Variants in DYM observed in about 807,000 individuals in gnomAD.
The protein encoded by DYM is dymeclin.
DYM carries 78 observed loss-of-function variants against 93.1 expected under a neutral mutation model. That is an observed-to-expected ratio of 0.84 (90% CI 0.70 to 1.01). The LOEUF is 1.01. Ranked by LOEUF, DYM falls within the 50% of genes least tolerant of loss-of-function variation. The pLI, the probability that DYM is intolerant of heterozygous loss-of-function variation, is 0.00. For synonymous variants in DYM, 321 were observed against 319.7 expected (o/e 1.00, Z -0.04); for missense variants, 789 against 845.0 (o/e 0.93, Z 0.82).
At chr18:49,415,665 T>C (rs1279597062) in intron 2 of DYM, among the ~76,000 whole-genome samples, 3 of 152,080 alleles carry the variant, frequency 2.0e-5, no homozygotes, top group Admixed American at 6.5e-5. Flanking sequence ...TGGTGGCTCA[T>C]GCCTGTAATC....
At chr18:49,193,336 T>G (rs1568574285) in intron 14 of DYM, among the ~76,000 whole-genome samples, 1 of 152,192 alleles carries the variant, frequency 6.6e-6, no homozygotes, top group Non-Finnish European at 1.5e-5. Context: ...CTCTAATATG[T>G]AGTCTTTAAA....
intron 13 of DYM, among the ~76,000 whole-genome samples, chr18:49,225,829 C>A (rs1182064295): frequency 1.3e-5 from 2 of 152,050 alleles, no homozygotes; most frequent in African/African-American, 4.8e-5. Context: ...TTTGTAGAAA[C>A]ATAAATAACA....
At chr18:49,083,628 T>G (rs2078244662) in intron 17 of DYM, among the ~76,000 whole-genome samples, 1 of 152,234 alleles carries the variant, frequency 6.6e-6, no homozygotes. Flanking sequence ...CATATGAGCC[T>G]GTGTTCTTCT....
chr18:49,428,568 C>T (rs1195527637), intron 2 of DYM, among the ~76,000 whole-genome samples: 1 of 152,132 alleles, frequency 6.6e-6, no homozygotes. Flanking sequence ...AACCGTTAAG[C>T]CCAGTTACTC....
intron 13 of DYM, among the ~76,000 whole-genome samples, chr18:49,223,012 T>C (rs1295964535): frequency 6.6e-6 from 1 of 152,154 alleles, no homozygotes; most frequent in Non-Finnish European, 1.5e-5. Context: ...TCTCCTGATA[T>C]GATAGAATAT....
At chr18:49,336,840 C>T (rs1427676889) in intron 6 of DYM, among the ~76,000 whole-genome samples, 1 of 152,142 alleles carries the variant, frequency 6.6e-6, no homozygotes, top group Admixed American at 6.6e-5. Context: ...GATTACAGGA[C>T]ACTCTGATAG....
chr18:49,169,293 C>T (rs1379012901), intron 14 of DYM, among the ~76,000 whole-genome samples: 1 of 152,166 alleles, frequency 6.6e-6, no homozygotes, highest in African/African-American at 2.4e-5. Context: ...GGAGATGATG[C>T]CTGCACTGCT....
At chr18:49,155,489 A>G (rs1432100821) in intron 15 of DYM, among the ~76,000 whole-genome samples, 1 of 152,224 alleles carries the variant, frequency 6.6e-6, no homozygotes, top group Admixed American at 6.5e-5. Context: ...CCTAATTTTG[A>G]AACATTTCAT....
Position 49,256,070 on chromosome 18 carries a change from C to T in DYM, c.1460+940G>A, listed in dbSNP as rs542568826. On this transcript the variant is annotated intron_variant, in intron 13 of 17. Transcript: ENST00000675505. ...CGGCACTCCATCCTGGGTGACAGAGCGAGACTCCATCTCAAAAAAAAAAAA... is the reference window on the plus strand; with the variant it reads ...CGGCACTCCATCCTGGGTGACAGAGTGAGACTCCATCTCAAAAAAAAAAAA... Among the ~76,000 whole-genome samples, 47 of 118,520 alleles carry T rather than the reference C, an allele frequency of 4.0e-4. 1 individual carries two copies. Among genetic ancestry groups the T allele is most frequent in the East Asian group, 1.3e-3 (6 of 4,458 alleles). The allele number at this position is 118,520 out of a possible 152,430, so 77.8% of individuals were successfully genotyped here. A position where few individuals can be genotyped will look rare whatever the true frequency, so the allele number is the denominator to read the frequency against.
intron 8 of DYM, among the ~76,000 whole-genome samples, chr18:49,306,597 T>TAGAAC (rs1555685133): frequency 7.2e-5 from 11 of 152,082 alleles, no homozygotes; most frequent in African/African-American, 2.7e-4. Flanking sequence ...TTTTCAGTAA[T>TAGAAC]AAACATGGAT....
intron 2 of DYM, among the ~76,000 whole-genome samples, chr18:49,394,894 A>C (rs2069850944): frequency 6.6e-6 from 1 of 152,224 alleles, no homozygotes; most frequent in Admixed American, 6.5e-5. Context: ...ACAATGGGGA[A>C]AGAACAATCT....
At chr18:49,147,205 T>C (rs1434494936) in intron 15 of DYM, among the ~76,000 whole-genome samples, 2 of 152,032 alleles carry the variant, frequency 1.3e-5, no homozygotes, top group African/African-American at 4.8e-5. Flanking sequence ...TCAAGATGGA[T>C]TAAAGACTTA....
chr18:49,295,031 G>A (rs2060434076), intron 8 of DYM, among the ~76,000 whole-genome samples: 2 of 151,370 alleles, frequency 1.3e-5, no homozygotes, highest in African/African-American at 4.8e-5. Flanking sequence ...CCCATGCTAG[G>A]AACCAAAAAT....
chr18:49,432,751 T>C (rs1038630880), intron 1 of DYM, among the ~76,000 whole-genome samples: 1 of 151,994 alleles, frequency 6.6e-6, no homozygotes, highest in Non-Finnish European at 1.5e-5. Flanking sequence ...TAGCTGGAAC[T>C]ACAGGTACAT....
intron 16 of DYM, among the ~76,000 whole-genome samples, chr18:49,100,767 A>C (rs1001432075): frequency 1.3e-5 from 2 of 152,212 alleles, no homozygotes; most frequent in African/African-American, 4.8e-5. Context: ...GGCTGATAAA[A>C]ATCTCTGTCC....
At chr18:49,239,049 T>C (rs1337818615) in intron 13 of DYM, among the ~76,000 whole-genome samples, 2 of 152,144 alleles carry the variant, frequency 1.3e-5, no homozygotes, top group African/African-American at 4.8e-5. Context: ...ATTTGGTCAA[T>C]ATCAACAACT....
intron 8 of DYM, among the ~76,000 whole-genome samples, chr18:49,302,856 C>T (rs2061029732): frequency 6.6e-6 from 1 of 152,230 alleles, no homozygotes; most frequent in Non-Finnish European, 1.5e-5. Context: ...GGCCATGCCT[C>T]TCCTACTCCA....
chr18:49,344,226 T>C lies in DYM; in HGVS notation c.495-10373A>G, dbSNP rs1377587101. Among the ~76,000 whole-genome samples the C allele has an allele frequency of 2.0e-5, 3 of 152,076 alleles. No homozygotes were observed. The East Asian group carries it at 5.8e-4, about 29-fold the overall frequency. ...TGGAACAGCCATTTAAGAAATACAT[T>C]TTAAAGAAACATGTGGGCAAAATGC... On this transcript the variant is annotated intron_variant, in intron 6 of 17. Coordinates refer to ENST00000675505, the MANE Select transcript of DYM (RefSeq NM_001353214.3).
At chr18:49,150,195 C>G (rs1323615661) in intron 15 of DYM, among the ~76,000 whole-genome samples, 2 of 152,150 alleles carry the variant, frequency 1.3e-5, no homozygotes, top group Admixed American at 1.3e-4. Flanking sequence ...GTTAGTCTAA[C>G]TGGAATTCAT....
Sources: allele counts gnomAD v4.1 joint callset (sites outside exome capture counted in the v4.1 genomes callset), GRCh38; gene constraint gnomAD v4.1.1; transcripts MANE v1.5; gene names NCBI Gene and HGNC (gene_info 2026-07-23, HGNC 2026-07-21).